The following RARB variants were observed in gnomAD, a reference collection of about 807,000 sequenced individuals.
RARB encodes the protein retinoic acid receptor beta, also known as HBV-activated protein.
Under a neutral mutation model 51.9 loss-of-function variants are expected in RARB, and 17 were observed. The ratio of observed to expected loss-of-function variants is 0.33; its 90% confidence interval spans 0.22 to 0.49. The LOEUF (loss-of-function observed/expected upper bound fraction) is 0.49, where lower values mean the gene tolerates loss of function less well. RARB is among the 20% of genes least tolerant of loss of function. The probability of loss-of-function intolerance (pLI) is 0.99; values close to 1 mark genes in which losing one functional copy is unlikely to be tolerated. For missense variants in RARB, 369 were observed against 550.8 expected (o/e 0.67, Z 3.30); for synonymous variants, 215 against 195.4 (o/e 1.10, Z -0.84).
At chr3:24,914,411 C>T (rs921163251) in intron 2 of RARB, among the ~76,000 whole-genome samples, 1 of 151,996 alleles carries the variant, frequency 6.6e-6, no homozygotes, top group Non-Finnish European at 1.5e-5. Context: ...CTCAGATAGG[C>T]CTTATCCTGC....
intron 5 of RARB, among the ~76,000 whole-genome samples, chr3:25,385,479 G>A (rs1447421238): frequency 6.6e-6 from 1 of 152,078 alleles, no homozygotes; most frequent in African/African-American, 2.4e-5. Context: ...ACAAGACACA[G>A]ACAATGAAAA....
At chr3:25,126,944 C>G (rs1252310290) in intron 3 of RARB, among the ~76,000 whole-genome samples, 1 of 152,108 alleles carries the variant, frequency 6.6e-6, no homozygotes, top group Admixed American at 6.5e-5. Context: ...AATGCAACTT[C>G]CATCAAATGC....
intron 5 of RARB, among the ~76,000 whole-genome samples, chr3:25,391,168 G>T (rs771150437): frequency 2.0e-5 from 3 of 152,094 alleles, no homozygotes; most frequent in Non-Finnish European, 4.4e-5. Flanking sequence ...ATTCCAGAGT[G>T]ACTTCACTTA....
chr3:25,099,992 G>A (rs921889122), intron 3 of RARB, among the ~76,000 whole-genome samples: 5 of 152,240 alleles, frequency 3.3e-5, no homozygotes, highest in Admixed American at 6.5e-5. Context: ...GGTTTCACTT[G>A]GCCCGTTTTC....
intron 3 of RARB, among the ~76,000 whole-genome samples, chr3:25,104,978 C>G (rs771207523): frequency 6.6e-6 from 1 of 152,048 alleles, no homozygotes; most frequent in African/African-American, 2.4e-5. Flanking sequence ...ATGAGGGTCA[C>G]GAGTGCTTGT....
At chr3:25,489,585 A>G (rs1294127709) in intron 2 of RARB, among the ~76,000 whole-genome samples, 2 of 152,254 alleles carry the variant, frequency 1.3e-5, no homozygotes, top group Non-Finnish European at 2.9e-5. Flanking sequence ...TTCAAAGAAG[A>G]AAGAGACACA....
chr3:25,554,437 A>G (rs574091805), intron 3 of RARB, among the ~76,000 whole-genome samples: 3 of 152,220 alleles, frequency 2.0e-5, no homozygotes, highest in African/African-American at 7.2e-5. Context: ...TTACTGGGAC[A>G]CAGCCCTGTG....
intron 2 of RARB, among the ~76,000 whole-genome samples, chr3:24,948,503 C>T (rs1695821525): frequency 6.6e-6 from 1 of 152,328 alleles, no homozygotes; most frequent in Middle Eastern, 3.4e-3. Context: ...TCTAGACCTT[C>T]TATTCATCCA....
At chr3:24,972,467 C>T (rs953148427) in intron 2 of RARB, among the ~76,000 whole-genome samples, 5 of 151,898 alleles carry the variant, frequency 3.3e-5, no homozygotes, top group African/African-American at 9.7e-5. Context: ...AGAGATATTT[C>T]TTTGCTATAT....
chr3:25,485,993 C>G (rs1387187113), intron 2 of RARB, among the ~76,000 whole-genome samples: 1 of 152,094 alleles, frequency 6.6e-6, no homozygotes. Flanking sequence ...TGGGTTGCCA[C>G]GAATTATATT....
At chr3:25,556,815 A>C (rs1700078808) in intron 3 of RARB, among the ~76,000 whole-genome samples, 1 of 152,166 alleles carries the variant, frequency 6.6e-6, no homozygotes, top group South Asian at 2.1e-4. Context: ...GCTGAGGGAG[A>C]TGCAAGAGAA....
rs753321842 is a variant in RARB at position 25,500,454 on chromosome 3, GTTTTTTTTT to G, written c.307-709_307-701del. 7.7e-4 allele frequency among the ~76,000 whole-genome samples: 51 copies of G among 66,140 alleles called. 1 individual carries two copies. Among genetic ancestry groups the G allele is most frequent in the African/African-American group, 2.6e-3 (46 of 17,698 alleles). The allele number at this position is 66,140 out of a possible 152,430, so 43.4% of individuals were successfully genotyped here. On this transcript the variant is annotated intron_variant, in intron 2 of 7. Coordinates refer to ENST00000330688, the MANE Select transcript of RARB (RefSeq NM_000965.5). ...ATAATTTCTTTTTCTTTCTTTTCTT[GTTTTTTTTT>G]TTTTTTTTTTTTTTTTTTGGTTGTT...
intron 3 of RARB, among the ~76,000 whole-genome samples, chr3:25,503,845 G>C: frequency 6.6e-6 from 1 of 152,178 alleles, no homozygotes; most frequent in East Asian, 1.9e-4. Context: ...TGTTAGAAGT[G>C]AAAAGGGATC....
upstream of RARB, among the ~76,000 whole-genome samples, chr3:25,425,236 C>T (rs189039612): frequency 4.5e-4 from 69 of 152,276 alleles, no homozygotes; most frequent in African/African-American, 1.6e-3. Flanking sequence ...CTATTTTTCA[C>T]TTTCTACCCT....
rs35710364 is a variant in RARB at position 25,156,516 on chromosome 3, C to CAAAAAA, written c.-279-17577_-279-17572dup. 2.8e-4 allele frequency among the ~76,000 whole-genome samples: 16 copies of CAAAAAA among 56,830 alleles called. 1 individual carries two copies. The highest frequency in any genetic ancestry group is 1.9e-3 in the East Asian group (2 of 1,070). The allele number at this position is 56,830 out of a possible 152,430, so 37.3% of individuals were successfully genotyped here. A position where few individuals can be genotyped will look rare whatever the true frequency, so the allele number is the denominator to read the frequency against. On this transcript the variant is annotated intron_variant, in intron 4 of 11. Coordinates refer to the RARB transcript ENST00000383772. ...ATCACACAAATTCTAGCCCCAACTG[C>CAAAAAA]AAAAAAAAAAAAAAAAAAAAAAAAA...
intron 2 of RARB, among the ~76,000 whole-genome samples, chr3:24,927,165 A>C (rs1358838913): frequency 6.6e-6 from 1 of 152,080 alleles, no homozygotes; most frequent in Non-Finnish European, 1.5e-5. Flanking sequence ...CAAATATTTC[A>C]TCCAATAAAT....
chr3:25,252,476 A>T (rs1373559937), intron 5 of RARB, among the ~76,000 whole-genome samples: 1 of 152,202 alleles, frequency 6.6e-6, no homozygotes, highest in Admixed American at 6.5e-5. Context: ...CCAGTCCATG[A>T]ACATGGTATA....
chr3:25,319,351 T>G (rs958333734), intron 5 of RARB, among the ~76,000 whole-genome samples: 1 of 152,230 alleles, frequency 6.6e-6, no homozygotes, highest in African/African-American at 2.4e-5. Flanking sequence ...AGCATCCATT[T>G]CATTCCCTGG....
At chr3:25,514,566 A>G (rs562695738) in intron 3 of RARB, among the ~76,000 whole-genome samples, 12 of 152,080 alleles carry the variant, frequency 7.9e-5, no homozygotes, top group African/African-American at 2.9e-4. Flanking sequence ...CAAATATTTT[A>G]TTGATATTGG....
Sources: allele counts gnomAD v4.1 joint callset (sites outside exome capture counted in the v4.1 genomes callset), GRCh38; gene constraint gnomAD v4.1.1; transcripts MANE v1.5; gene names NCBI Gene and HGNC (gene_info 2026-07-23, HGNC 2026-07-21).